Variants in MIDEAS observed in about 807,000 individuals in gnomAD.
The protein encoded by MIDEAS is mitotic deacetylase-associated SANT domain protein.
MIDEAS carries 26 observed loss-of-function variants against 102.7 expected under a neutral mutation model. The ratio of observed to expected loss-of-function variants is 0.25; its 90% confidence interval spans 0.19 to 0.35. The LOEUF (loss-of-function observed/expected upper bound fraction) is 0.35. MIDEAS is among the 10% of genes least tolerant of loss of function. MIDEAS has a pLI of 1.00. For missense variants in MIDEAS, 1,231 were observed against 1,435.6 expected, an observed-to-expected ratio of 0.86 and a Z score of 2.30; for synonymous variants, 585 against 591.0, an observed-to-expected ratio of 0.99 and a Z score of 0.15.
chr14:73,774,724 A>C (rs2053674698), intron 1 of MIDEAS, among the ~76,000 whole-genome samples: 1 of 151,884 alleles, frequency 6.6e-6, no homozygotes, highest in Non-Finnish European at 1.5e-5. Context: ...GGCCCAAGCA[A>C]ATAGCAGAGA....
At position 73,715,236 on chromosome 14, in the gene MIDEAS, ATT is replaced by A. The variant is rs1465706707; in HGVS notation, c.*3605_*3606del. On this transcript the variant is annotated 3_prime_UTR_variant, in exon 13 of 13. Coordinates refer to ENST00000423556, the MANE Select transcript of MIDEAS (RefSeq NM_001367710.1). ...ATCAGCAAGATTCTTTAGTGTATTA[ATT>A]TTTTTCTTATAAAAAGCACACAAAA... 3 of 152,610 alleles carry A rather than the reference ATT, an allele frequency of 2.0e-5. No individual in the cohort carries two copies. The highest frequency in any genetic ancestry group is 4.4e-5 in the Non-Finnish European group (3 of 68,026). 9.5% of individuals were successfully genotyped at this position (152,610 alleles called of 1,614,324 possible).
chr14:73,749,799 C>G (rs1307280663), intron 1 of MIDEAS, among the ~76,000 whole-genome samples: 1 of 152,106 alleles, frequency 6.6e-6, no homozygotes, highest in Non-Finnish European at 1.5e-5. Context: ...TTGCCAAGTT[C>G]TCTCAGCTCA....
Position 73,736,990 on chromosome 14 carries a change from T to C in MIDEAS, c.1749+8A>G, listed in dbSNP as rs2053208906. The C allele has an allele frequency of 6.2e-7, 1 of 1,609,214 alleles. No homozygotes were observed. The highest frequency in any genetic ancestry group is 8.5e-7 in the Non-Finnish European group (1 of 1,177,104). On this transcript the variant is annotated splice_region_variant and intron_variant, in intron 3 of 12. Transcript: ENST00000423556. ...GCTGGAGGTGTTTAGAAGGGGCGCCTCTCATACCTGAGCTTGAGCATCTGT... is the reference window on the plus strand; with the variant it reads ...GCTGGAGGTGTTTAGAAGGGGCGCCCCTCATACCTGAGCTTGAGCATCTGT...
intron 1 of MIDEAS, among the ~76,000 whole-genome samples, chr14:73,780,029 C>G (rs571671973): frequency 2.7e-5 from 4 of 150,124 alleles, no homozygotes; most frequent in Non-Finnish European, 5.9e-5. Flanking sequence ...CCTGCCACCA[C>G]GCCCAGCTAA....
chr14:73,790,023 G>A (rs1327338428), upstream of MIDEAS: 2 of 152,274 alleles, frequency 1.3e-5, no homozygotes, highest in East Asian at 3.8e-4. Context: ...GGCGATTTTG[G>A]TTGGGGTGGA....
chr14:73,731,512 CT>C (rs1350095549), intron 3 of MIDEAS, among the ~76,000 whole-genome samples: 1 of 150,946 alleles, frequency 6.6e-6, no homozygotes, highest in African/African-American at 2.4e-5. Context: ...GCCCCCCAAA[CT>C]TTCTTGACAA....
rs2053252090 is a variant in MIDEAS at position 73,739,387 on chromosome 14, G to A, written c.622C>T (p.Pro208Ser). ...LNSFHAAKKP[P>S]NQSLPLQPFQ... ...GGTTGCAGGGGCAGTGACTGGTTTG[G>A]GGGTTTCTTGGCTGCGTGGAAAGAA... Residue 208 changes from proline to serine, a missense_variant, in exon 2 of 13, where the codon CCA becomes TCA. Pro to Ser is a moderately conservative substitution (Grantham distance 74). Transcript: ENST00000423556. 2 of 1,584,232 alleles carry A rather than the reference G, an allele frequency of 1.3e-6. No individual in the cohort carries two copies. The highest frequency in any genetic ancestry group is 2.3e-5 in the South Asian group (2 of 85,720).
chr14:73,737,018 C>T lies in MIDEAS; in HGVS notation c.1729G>A (p.Gly577Arg), dbSNP rs150626971. Residue 577 changes from glycine (G) to arginine (R), a missense_variant, in exon 3 of 13, where the codon GGG becomes AGG. This residue lies in a region of MIDEAS where 758 missense variants were observed against 856.0 expected (regional missense o/e 0.89). Coordinates refer to ENST00000423556, the MANE Select transcript of MIDEAS (RefSeq NM_001367710.1). The part of the protein sequence containing the change: ...VTRRRSTRIP[G>R]TDAQAQAEDM... ...CATACCTGAGCTTGAGCATCTGTCC[C>T]GGGGATTCGGGTGGACCGCCTGCGG... 2.3e-5 allele frequency: 37 copies of T among 1,613,144 alleles called. No individual in the cohort carries two copies. Among genetic ancestry groups the T allele is most frequent in the Admixed American group, 6.7e-5 (4 of 59,988 alleles).
intron 1 of MIDEAS, among the ~76,000 whole-genome samples, chr14:73,756,498 C>G (rs1367125638): frequency 6.6e-6 from 1 of 152,234 alleles, no homozygotes; most frequent in Admixed American, 6.5e-5. Flanking sequence ...AGCCCCGGCC[C>G]AGCATGCAAT....
rs766881496 is a variant in MIDEAS, at chr14:73,737,142, A to G, written c.1605T>C (p.Thr535=). The change falls in exon 3 of 13, where the codon ACT becomes ACC. Residue 535 remains threonine (T), a synonymous_variant. Transcript: ENST00000423556. ...CCTGGGCTGCCTCAGTTGGGTCCAC[A>G]GTTCGCACAGGCACAGACACTGGGA... ...LIIPVSVPVR[T]VDPTEAAQAG... The G allele has an allele frequency of 1.1e-5, 17 of 1,613,662 alleles. No homozygotes were observed. Among genetic ancestry groups the G allele is most frequent in the Non-Finnish European group, 6.8e-6 (8 of 1,179,926 alleles).
In MIDEAS at chr14:73,739,559, A is replaced by T; in HGVS notation, c.450T>A (p.His150Gln). ...AGTAAGTCGGGACTCCCACTCCAGG[A>T]TGCGGGCTCCCCTTGGTTGCACTGT... Reference protein sequence around the residue: ...SLYSATKGSPHPGVGVPTYYN... With the variant: ...SLYSATKGSPQPGVGVPTYYN... Residue 150 changes from histidine to glutamine, a missense_variant, in exon 2 of 13, where the codon CAT becomes CAA. By Grantham distance (24) the His-to-Gln change is conservative (BLOSUM62 0). This residue lies in a region of MIDEAS where 758 missense variants were observed against 856.0 expected (regional missense o/e 0.89). Transcript: ENST00000423556. 6.2e-7 allele frequency: 1 copy of T among 1,614,094 alleles called. No homozygotes were observed. Among genetic ancestry groups the T allele is most frequent in the Non-Finnish European group, 8.5e-7 (1 of 1,179,992 alleles).
rs1360020556 is a variant in MIDEAS, at chr14:73,715,241, T to C, written c.*3602A>G. On this transcript the variant is annotated 3_prime_UTR_variant, in exon 13 of 13. Transcript: ENST00000423556. ...CAAGATTCTTTAGTGTATTAATTTT[T>C]TTCTTATAAAAAGCACACAAAAAAT... 1 of 152,784 alleles carries C rather than the reference T, an allele frequency of 6.5e-6. No individual in the cohort carries two copies. The highest frequency in any genetic ancestry group is 1.5e-5 in the Non-Finnish European group (1 of 68,038). 9.5% of individuals were successfully genotyped at this position (152,784 alleles called of 1,614,324 possible).
chr14:73,757,285 A>AAAAAAAAAAAAAAAAAAAAAAAC, intron 1 of MIDEAS, among the ~76,000 whole-genome samples: 1 of 149,908 alleles, frequency 6.7e-6, no homozygotes, highest in African/African-American at 2.5e-5. Flanking sequence ...CAACCAAAAA[A>AAAAAAAAAAAAAAAAAAAAAAAC]AAAAAAAAAC....
chr14:73,751,725 ACT>A (rs1337615552), intron 1 of MIDEAS, among the ~76,000 whole-genome samples: 2 of 151,958 alleles, frequency 1.3e-5, no homozygotes, highest in African/African-American at 4.8e-5. Flanking sequence ...ACATGGAGAA[ACT>A]CTGTCTCTAC....
At chr14:73,744,056 A>G (rs1595273700) in intron 1 of MIDEAS, among the ~76,000 whole-genome samples, 1 of 147,082 alleles carries the variant, frequency 6.8e-6, no homozygotes, top group African/African-American at 2.7e-5. Context: ...GCACCAGGAA[A>G]AAAAAATAAA....
In MIDEAS at chr14:73,742,707, GCCTC is replaced by G. The variant is rs1041226071; in HGVS notation, c.-247-2456_-247-2453del. On this transcript the variant is annotated intron_variant, in intron 1 of 12. Coordinates refer to ENST00000423556, the MANE Select transcript of MIDEAS (RefSeq NM_001367710.1). The surrounding 1 kb of genome is among the most constrained non-coding windows in gnomAD (Gnocchi z 4.4). ...ACCCCAGAAACTTCTTGCTGCAGAG[GCCTC>G]CCTGTCACCCTCACCGAAGAGCTAA... Among the ~76,000 whole-genome samples, 2 of 152,188 alleles carry G rather than the reference GCCTC, an allele frequency of 1.3e-5. No homozygotes were observed. The highest frequency in any genetic ancestry group is 2.9e-5 in the Non-Finnish European group (2 of 68,030).
intron 9 of MIDEAS, chr14:73,724,900 T>C (rs2053040632): frequency 4.7e-6 from 1 of 212,994 alleles, no homozygotes; most frequent in Non-Finnish European, 9.7e-6. Flanking sequence ...ACTTGCTGGC[T>C]CTCAGTGGCC....
chr14:73,747,957 C>G (rs56134617), intron 1 of MIDEAS, among the ~76,000 whole-genome samples: 2,454 of 152,268 alleles, frequency 0.016, 48 homozygotes, highest in African/African-American at 0.054. Context: ...TCTTACCACG[C>G]CTGGGACCCA....
At chr14:73,770,890 C>G (rs149708068) in intron 1 of MIDEAS, among the ~76,000 whole-genome samples, 2 of 152,244 alleles carry the variant, frequency 1.3e-5, no homozygotes, top group Non-Finnish European at 2.9e-5. Context: ...GGCCTGGGCT[C>G]GAGAAGGCAG....
Sources: allele counts gnomAD v4.1 joint callset (sites outside exome capture counted in the v4.1 genomes callset), GRCh38; gene constraint gnomAD v4.1.1; regional missense constraint gnomAD v4.1.1; non-coding constraint Gnocchi (gnomAD v3.1); transcripts MANE v1.5; gene names NCBI Gene and HGNC (gene_info 2026-07-23, HGNC 2026-07-21).